The following FRY variants were observed in gnomAD, a reference collection of about 807,000 sequenced individuals.
The protein encoded by FRY is protein furry homolog.
Under a neutral mutation model 348.4 loss-of-function variants are expected in FRY, and 128 were observed. The observed-to-expected ratio is 0.37, with a 90% CI of 0.32 to 0.43. The LOEUF (loss-of-function observed/expected upper bound fraction) is 0.43, where lower values mean the gene tolerates loss of function less well. FRY is among the 20% of genes least tolerant of loss of function. The probability of loss-of-function intolerance (pLI) is 1.00; values close to 1 mark genes in which losing one functional copy is unlikely to be tolerated. For synonymous variants in FRY, 1,370 were observed against 1,374.7 expected (o/e 1.00, Z 0.08); for missense variants, 2,736 against 3,695.2 (o/e 0.74, Z 6.73).
chr13:32,102,278 A>T (rs777648445), intron 3 of FRY, among the ~76,000 whole-genome samples: 8 of 152,250 alleles, frequency 5.3e-5, no homozygotes, highest in Non-Finnish European at 8.8e-5. Context: ...AAATCTTTAC[A>T]TATCAGAATT....
chr13:32,134,538 G>A (rs559245238), intron 8 of FRY, among the ~76,000 whole-genome samples: 1 of 152,310 alleles, frequency 6.6e-6, no homozygotes, highest in Non-Finnish European at 1.5e-5. Flanking sequence ...GGCTAACTAG[G>A]AGCCCAGGGC....
chr13:32,212,098 G>A (rs1884720564), intron 34 of FRY, among the ~76,000 whole-genome samples, 194 bp from the exon 35 acceptor site: 1 of 152,340 alleles, frequency 6.6e-6, no homozygotes, highest in South Asian at 2.1e-4. Flanking sequence ...CATAACAGAT[G>A]TCTACGATTC....
chr13:32,197,835 C>G (rs1026979623), intron 29 of FRY, among the ~76,000 whole-genome samples: 2 of 152,176 alleles, frequency 1.3e-5, no homozygotes, highest in Non-Finnish European at 2.9e-5. Context: ...TCAACATCTC[C>G]TCTCTTCTAG....
At position 32,294,427 on chromosome 13, in the gene FRY, A is replaced by T. The variant is rs781438128; in HGVS notation, c.8640A>T (p.Ala2880=). Residue 2880 remains alanine, a synonymous_variant, in exon 60 of 61, where the codon GCA becomes GCT. Coordinates refer to ENST00000542859, the MANE Select transcript of FRY (RefSeq NM_023037.3). The part of the protein sequence containing the change: ...DLKKHLKEAS[A]VIAADPLYSD... ...AGAAACACCTGAAGGAAGCCAGTGC[A>T]GTCATTGCAGCTGACCCTCTCTATT... 2 of 1,614,080 alleles carry T rather than the reference A, an allele frequency of 1.2e-6. No homozygotes were observed. The highest frequency in any genetic ancestry group is 2.2e-5 in the East Asian group (1 of 44,888).
At chr13:32,111,057 C>CTT (rs1422127601) in intron 3 of FRY, among the ~76,000 whole-genome samples, 1 of 152,168 alleles carries the variant, frequency 6.6e-6, no homozygotes, top group East Asian at 1.9e-4. Context: ...CTGGTGAATA[C>CTT]TGTCATTTGC....
chr13:32,225,736 A>G (rs919200202), intron 38 of FRY, 53 bp from the exon 39 acceptor site: 3 of 1,297,612 alleles, frequency 2.3e-6, no homozygotes, highest in African/African-American at 2.9e-5. Context: ...TATCCCTGGA[A>G]TCTAAACGAG....
chr13:32,194,242 T>A lies in FRY; in HGVS notation c.3691T>A (p.Ser1231Thr). The stretch of plus-strand genomic sequence containing the variant: ...GGCAATTGACCGATGCTACACAGGT[T>A]CCTACCAACTTGCATCTGGCTGCTT... ...NWAIDRCYTG[S>T]YQLASGCFKA... The change falls in exon 29 of 61, where the codon TCC becomes ACC. Residue 1231 changes from serine to threonine, a missense_variant. Physicochemically the swap from Ser to Thr is moderately conservative, Grantham distance 58. Around this residue, in one of 9 missense-constraint regions of FRY, gnomAD observed 794 missense variants for 977.0 expected, o/e 0.81. Coordinates refer to ENST00000542859, the MANE Select transcript of FRY (RefSeq NM_023037.3). 1.9e-6 allele frequency: 3 copies of A among 1,614,152 alleles called. No individual in the cohort carries two copies. Among genetic ancestry groups the A allele is most frequent in the Non-Finnish European group, 2.5e-6 (3 of 1,179,988 alleles).
intron 1 of FRY, among the ~76,000 whole-genome samples, chr13:32,034,250 G>A (rs567903037): frequency 1.3e-5 from 2 of 152,284 alleles, no homozygotes; most frequent in South Asian, 2.1e-4. Context: ...TTCCATAAGC[G>A]TTTCCAGGTA....
intron 16 of FRY, among the ~76,000 whole-genome samples, chr13:32,159,396 G>A (rs1276878749): frequency 6.6e-6 from 1 of 152,144 alleles, no homozygotes; most frequent in Non-Finnish European, 1.5e-5. Context: ...GTAAGAACTT[G>A]AACATTGAAC....
chr13:32,284,435 T>C (rs959894038), intron 58 of FRY, among the ~76,000 whole-genome samples: 4 of 152,238 alleles, frequency 2.6e-5, no homozygotes, highest in African/African-American at 9.6e-5. Flanking sequence ...CCTTCAGATA[T>C]AGTCAATCAG....
intron 46 of FRY, among the ~76,000 whole-genome samples, chr13:32,240,123 T>C (rs1310048728): frequency 6.6e-6 from 1 of 152,224 alleles, no homozygotes; most frequent in African/African-American, 2.4e-5. Context: ...AACTTCCATA[T>C]AGTGTGTGCC....
At chr13:32,099,842 C>G (rs1877032571) in intron 2 of FRY, among the ~76,000 whole-genome samples, 1 of 151,898 alleles carries the variant, frequency 6.6e-6, no homozygotes, top group South Asian at 2.1e-4. Flanking sequence ...GCTGGAAGAT[C>G]AGTTAAGGCT....
intron 51 of FRY, chr13:32,257,896 T>A: frequency 7.6e-7 from 1 of 1,321,900 alleles, no homozygotes; most frequent in Non-Finnish European, 1.1e-6. Context: ...TGTTCTTGAG[T>A]ATCTTTAATA....
At chr13:32,058,375 T>G (rs1322832581) in intron 1 of FRY, among the ~76,000 whole-genome samples, 2 of 152,222 alleles carry the variant, frequency 1.3e-5, no homozygotes, top group Non-Finnish European at 2.9e-5. Context: ...CTAAATGAAT[T>G]CAGATCATCA....
At chr13:32,133,252 C>T (rs1014103263) in intron 8 of FRY, among the ~76,000 whole-genome samples, 6 of 152,120 alleles carry the variant, frequency 3.9e-5, no homozygotes, top group Non-Finnish European at 8.8e-5. Flanking sequence ...TCAAACTTCT[C>T]GGGTTTGAAT....
chr13:32,081,604 C>T (rs772397019), intron 2 of FRY, among the ~76,000 whole-genome samples: 1 of 152,202 alleles, frequency 6.6e-6, no homozygotes, highest in African/African-American at 2.4e-5. Flanking sequence ...GGATTACAGG[C>T]GTGAGCCACT....
intron 1 of FRY, among the ~76,000 whole-genome samples, chr13:32,042,597 T>C (rs1872801136): frequency 6.6e-6 from 1 of 151,696 alleles, no homozygotes; most frequent in South Asian, 2.1e-4. Flanking sequence ...ATCTCTGGAC[T>C]GGTCACACTA....
chr13:32,289,797 G>A (rs746224561), intron 59 of FRY, 54 bp downstream of exon 59: 12 of 928,488 alleles, frequency 1.3e-5, no homozygotes, highest in Non-Finnish European at 2.0e-5. Flanking sequence ...CATTTCTTTT[G>A]TTCTTCCTCA....
At chr13:32,248,930 G>A (rs113816217) in intron 48 of FRY, among the ~76,000 whole-genome samples, 12 of 152,240 alleles carry the variant, frequency 7.9e-5, no homozygotes, top group Non-Finnish European at 1.3e-4. Context: ...TGCCACTGCC[G>A]AGGTCAAGCC....
Sources: allele counts gnomAD v4.1 joint callset (sites outside exome capture counted in the v4.1 genomes callset), GRCh38; gene constraint gnomAD v4.1.1; regional missense constraint gnomAD v4.1.1; transcripts MANE v1.5; gene names NCBI Gene and HGNC (gene_info 2026-07-23, HGNC 2026-07-21).